Variants in RAB3GAP2 observed in about 807,000 individuals in gnomAD.
The protein encoded by RAB3GAP2 is RAB3 GTPase activating non-catalytic protein subunit 2, also known as rab3 GTPase-activating protein non-catalytic subunit.
A neutral mutation model predicts 185.3 loss-of-function variants in RAB3GAP2; 87 were observed. That is an observed-to-expected ratio of 0.47 (90% CI 0.39 to 0.56). RAB3GAP2 has a LOEUF of 0.56. Among genes scored for constraint, RAB3GAP2 ranks in the 20% least tolerant of loss-of-function variants. The pLI, the probability that RAB3GAP2 is intolerant of heterozygous loss-of-function variation, is 0.00. For missense variants in RAB3GAP2, 1,492 were observed against 1,638.2 expected, an observed-to-expected ratio of 0.91 and a Z score of 1.54; for synonymous variants, 554 against 576.1, an observed-to-expected ratio of 0.96 and a Z score of 0.55.
chr1:220,203,083 A>T lies in RAB3GAP2; in HGVS notation c.713-709T>A, dbSNP rs965901836. Among the ~76,000 whole-genome samples, 4 of 152,216 alleles carry T rather than the reference A, an allele frequency of 2.6e-5. No homozygotes were observed. In the East Asian group the frequency reaches 7.7e-4, roughly 29 times the overall value. ...TGCTTTACTGATAGAAAAACTAAAA[A>T]CCTGATATACTTGGCAGAGCACACA... On this transcript the variant is annotated intron_variant, in intron 8 of 34. Transcript: ENST00000358951.
At chr1:220,271,495 A>G (rs1416197537) in intron 1 of RAB3GAP2, among the ~76,000 whole-genome samples, 5 of 152,246 alleles carry the variant, frequency 3.3e-5, no homozygotes, top group African/African-American at 1.2e-4. Flanking sequence ...AAACACTTTG[A>G]TGATAAAAAT....
intron 1 of RAB3GAP2, chr1:220,266,635 T>C: frequency 1.5e-6 from 2 of 1,327,484 alleles, no homozygotes; most frequent in Non-Finnish European, 2.2e-6. Flanking sequence ...GTAAAATAAA[T>C]TTTGGTAGCA....
At chr1:220,151,512 T>G in intron 34 of RAB3GAP2, 94 bp downstream of exon 34, 2 of 1,590,782 alleles carry the variant, frequency 1.3e-6, no homozygotes, top group Non-Finnish European at 1.7e-6. Flanking sequence ...CTAGGTGAAT[T>G]AAACTTGTCA....
At position 220,158,257 on chromosome 1, in the gene RAB3GAP2, A is replaced by G. The variant is rs945430322; in HGVS notation, c.3262-381T>C. 2.0e-5 allele frequency among the ~76,000 whole-genome samples: 3 copies of G among 152,170 alleles called. No homozygotes were observed. Among genetic ancestry groups the G allele is most frequent in the Admixed American group, 6.5e-5 (1 of 15,274 alleles). ...GATACACACATGAGAATCTAACCTG[A>G]AAAGCTCCAAGAAAACAGCCTGGTC... On this transcript the variant is annotated intron_variant, in intron 29 of 34. Coordinates refer to ENST00000358951, the MANE Select transcript of RAB3GAP2 (RefSeq NM_012414.4). This position sits in a 1 kb window ranked among gnomAD's most constrained non-coding sequence, Gnocchi z 4.3.
chr1:220,240,010 A>G (rs1277436794), intron 1 of RAB3GAP2, among the ~76,000 whole-genome samples: 1 of 151,606 alleles, frequency 6.6e-6, no homozygotes, highest in Non-Finnish European at 1.5e-5. Context: ...AAAAAAAAGA[A>G]CACCACATCA....
chr1:220,270,050 CTG>C (rs1660306952), intron 1 of RAB3GAP2, among the ~76,000 whole-genome samples: 1 of 152,186 alleles, frequency 6.6e-6, no homozygotes. Flanking sequence ...CCTACTGAAA[CTG>C]TCCTAAGGTC....
intron 24 of RAB3GAP2, among the ~76,000 whole-genome samples, chr1:220,167,953 C>T (rs1658103231): frequency 6.6e-6 from 1 of 152,118 alleles, no homozygotes; most frequent in Non-Finnish European, 1.5e-5. Context: ...AAACCATATG[C>T]TTTCTAAGTT....
chr1:220,251,087 C>T (rs941338720), intron 1 of RAB3GAP2, among the ~76,000 whole-genome samples: 7 of 152,194 alleles, frequency 4.6e-5, no homozygotes, highest in African/African-American at 1.7e-4. Context: ...TAAAAGGAGG[C>T]AAGTATTTCT....
chr1:220,172,123 C>T, intron 22 of RAB3GAP2, 74 bp from the exon 23 acceptor site: 1 of 1,480,776 alleles, frequency 6.8e-7, no homozygotes, highest in Non-Finnish European at 9.3e-7. Context: ...TTATGTTAAA[C>T]ATAATGTTAA....
rs190525227 is a variant in RAB3GAP2 at position 220,236,385 on chromosome 1, C to T, written c.116-3522G>A. On this transcript the variant is annotated intron_variant, in intron 1 of 34. Coordinates refer to ENST00000358951, the MANE Select transcript of RAB3GAP2 (RefSeq NM_012414.4). ...AGAGACGGGGGTTTCACCATGTTGGCCAGGATGGTCTCAAACTCCTGAACT... is the reference window on the plus strand; with the variant it reads ...AGAGACGGGGGTTTCACCATGTTGGTCAGGATGGTCTCAAACTCCTGAACT... 1.6e-4 allele frequency among the ~76,000 whole-genome samples: 25 copies of T among 152,188 alleles called. 1 individual carries two copies. In the East Asian group the frequency reaches 4.3e-3, roughly 26 times the overall value.
In RAB3GAP2 at chr1:220,184,052, G is replaced by C. The variant is rs1222852052; in HGVS notation, c.1982C>G (p.Thr661Arg). The change falls in exon 19 of 35, where the codon ACA (threonine) becomes AGA (arginine). Residue 661 changes from threonine (T) to arginine (R), a missense_variant. Physicochemically the swap from Thr to Arg is moderately conservative, Grantham distance 71. Around this residue, in one of 5 missense-constraint regions of RAB3GAP2, gnomAD observed 681 missense variants for 689.1 expected, o/e 0.99. Coordinates refer to ENST00000358951, the MANE Select transcript of RAB3GAP2 (RefSeq NM_012414.4). Reference sequence around the variant, plus strand: ...ATTACTCACATTATCAGAGAATGGTGTGTCTAAATGAAAATCAAGGGAATT... The same window carrying C: ...ATTACTCACATTATCAGAGAATGGTCTGTCTAAATGAAAATCAAGGGAATT... ...QLNSLDFHLDTPFSDNDLALL... is the reference protein window; with the variant it reads ...QLNSLDFHLDRPFSDNDLALL... The C allele has an allele frequency of 4.4e-6, 7 of 1,578,200 alleles. No individual in the cohort carries two copies. The East Asian group carries it at 1.6e-4, about 35-fold the overall frequency.
intron 1 of RAB3GAP2, among the ~76,000 whole-genome samples, chr1:220,261,483 C>T (rs1660136198): frequency 1.3e-5 from 2 of 152,206 alleles, no homozygotes; most frequent in South Asian, 4.1e-4. Flanking sequence ...CACTCCACTT[C>T]CACTTTACCC....
In RAB3GAP2 at chr1:220,150,140, A is replaced by G. The variant is rs1370266919; in HGVS notation, c.*1111T>C. On this transcript the variant is annotated 3_prime_UTR_variant, in exon 35 of 35. Transcript: ENST00000358951. ...TTTTTTTTCGAGACAGGGTCTTGCTATATTGCCCAGAATGGCCTCAAACTC... is the reference window on the plus strand; with the variant it reads ...TTTTTTTTCGAGACAGGGTCTTGCTGTATTGCCCAGAATGGCCTCAAACTC... 3 of 138,098 alleles carry G rather than the reference A, an allele frequency of 2.2e-5. No individual in the cohort carries two copies. Among genetic ancestry groups the G allele is most frequent in the African/African-American group, 8.2e-5 (3 of 36,616 alleles). 8.6% of individuals were successfully genotyped at this position (138,098 alleles called of 1,614,324 possible).
rs1480333841 is a variant in RAB3GAP2 at position 220,190,603 on chromosome 1, C to T, written c.1488-83G>A. On this transcript the variant is annotated intron_variant, in intron 14 of 34. Coordinates refer to ENST00000358951, the MANE Select transcript of RAB3GAP2 (RefSeq NM_012414.4). ...GGTGCTTTTATTATAGCTAGGAAAC[C>T]CAACATTATTATCAATTTAGGAGCA... 4 of 1,388,914 alleles carry T rather than the reference C, an allele frequency of 2.9e-6. No homozygotes were observed. In the African/African-American group the frequency reaches 5.7e-5, roughly 20 times the overall value. The allele number at this position is 1,388,914 out of a possible 1,614,324, so 86.0% of individuals were successfully genotyped here. A position where few individuals can be genotyped will look rare whatever the true frequency, so the allele number is the denominator to read the frequency against.
chr1:220,164,744 T>C lies in RAB3GAP2; in HGVS notation c.3143A>G (p.His1048Arg), dbSNP rs151244742. Residue 1048 changes from histidine to arginine, a missense_variant, in exon 27 of 35, where the codon CAT (histidine) becomes CGT (arginine). Physicochemically the swap from His to Arg is conservative, Grantham distance 29. Around this residue, in one of 5 missense-constraint regions of RAB3GAP2, gnomAD observed 387 missense variants for 455.3 expected, o/e 0.85. Coordinates refer to ENST00000358951, the MANE Select transcript of RAB3GAP2 (RefSeq NM_012414.4). ...ATCTGTTTACTTACCATTTTGAACA[T>C]GTGCATTAAATATTTGCTTCAAGTG... ...IEHLKQIFNA[H>R]VQNGIALMMW... The C allele has an allele frequency of 2.4e-4, 379 of 1,606,192 alleles. 2 individuals are homozygous for C. The East Asian group carries it at 7.6e-3, about 32-fold the overall frequency.
chr1:220,198,918 C>A (rs1177311215), intron 9 of RAB3GAP2, among the ~76,000 whole-genome samples: 3 of 152,052 alleles, frequency 2.0e-5, no homozygotes, highest in Non-Finnish European at 4.4e-5. Flanking sequence ...ATAAGGAGAC[C>A]TGAGTGAAGA....
At chr1:220,170,845 G>T in intron 24 of RAB3GAP2, 47 bp downstream of exon 24, 1 of 1,476,270 alleles carries the variant, frequency 6.8e-7, no homozygotes, top group Non-Finnish European at 9.5e-7. Flanking sequence ...AGAAACCCTC[G>T]TAACATAAAA....
chr1:220,191,823 A>G (rs1254320259), intron 13 of RAB3GAP2, among the ~76,000 whole-genome samples: 4 of 152,094 alleles, frequency 2.6e-5, no homozygotes. Flanking sequence ...TCTAAAAAAA[A>G]AAAAAAGAGA....
chr1:220,230,696 C>G (rs976663511), intron 2 of RAB3GAP2, among the ~76,000 whole-genome samples: 3 of 152,194 alleles, frequency 2.0e-5, no homozygotes, highest in Non-Finnish European at 4.4e-5. Context: ...AGCCAAATAT[C>G]TGGCAGGGTT....
Sources: gnomAD v4.1 joint callset for allele counts (sites outside exome capture counted in the v4.1 genomes callset) on GRCh38, gnomAD v4.1.1 for gene constraint, gnomAD v4.1.1 regional missense constraint, Gnocchi (gnomAD v3.1) non-coding constraint, MANE v1.5 for transcripts, NCBI Gene and HGNC (gene_info 2026-07-23, HGNC 2026-07-21) for gene names.